The following PIWIL3 variants were observed in gnomAD, a reference collection of about 807,000 sequenced individuals.
The protein encoded by PIWIL3 is piwi-like protein 3.
A neutral mutation model predicts 109.7 loss-of-function variants in PIWIL3; 101 were observed. The ratio of observed to expected loss-of-function variants is 0.92; its 90% CI spans 0.78 to 1.09. The LOEUF is 1.09. PIWIL3 is among the 50% of genes least tolerant of loss of function. The pLI is 0.00. For missense variants in PIWIL3, 1,031 were observed against 1,072.6 expected, an observed-to-expected ratio of 0.96 and a Z score of 0.54; for synonymous variants, 373 against 376.4, an observed-to-expected ratio of 0.99 and a Z score of 0.10.
intron 5 of PIWIL3, 23 bp from the exon 6 acceptor site, chr22:24,755,928 A>C (rs1479601617): frequency 3.1e-6 from 5 of 1,597,284 alleles, no homozygotes; most frequent in Non-Finnish European, 4.3e-6. Flanking sequence ...AAAAACAAAA[A>C]AAAAAGTCCA....
At chr22:24,723,354 G>A in intron 18 of PIWIL3, 99 bp from the exon 19 acceptor site, 4 of 1,277,244 alleles carry the variant, frequency 3.1e-6, no homozygotes, top group South Asian at 1.3e-5. Context: ...GACCCATTAA[G>A]AAGAACAGAC....
Position 24,755,866 on chromosome 22 carries a change from C to G in PIWIL3, c.610G>C (p.Val204Leu). The G allele has an allele frequency of 6.2e-7, 1 of 1,613,652 alleles. No homozygotes were observed. The highest frequency in any genetic ancestry group is 1.1e-5 in the South Asian group (1 of 91,078). ...TTGGAAAACTCAACTGTAATCTTCA[C>G]GATGTTTTTGTCTTTGGTTGTGCTC... ...WLSTTKDKNI[V>L]KITVEFSKEL... The change falls in exon 6 of 21, where the codon GTG becomes CTG. Residue 204 changes from valine (V) to leucine (L), a missense_variant. Physicochemically the swap from Val to Leu is conservative, Grantham distance 32. Coordinates refer to ENST00000616349, the MANE Select transcript of PIWIL3 (RefSeq NM_001255975.1).
At chr22:24,760,099 C>A in intron 2 of PIWIL3, 110 bp from the exon 3 acceptor site, 1 of 1,427,370 alleles carries the variant, frequency 7.0e-7, no homozygotes, top group Non-Finnish European at 9.6e-7. Flanking sequence ...GAAAAGCTCA[C>A]ATTCCAGTGA....
At chr22:24,731,286 T>C (rs923087078) in intron 14 of PIWIL3, among the ~76,000 whole-genome samples, 1 of 152,082 alleles carries the variant, frequency 6.6e-6, no homozygotes, top group Non-Finnish European at 1.5e-5. Flanking sequence ...CCTAGACCCA[T>C]TTAGATTAAG....
intron 1 of PIWIL3, among the ~76,000 whole-genome samples, chr22:24,767,143 A>T (rs1186033128): frequency 6.6e-6 from 1 of 151,918 alleles, no homozygotes; most frequent in Non-Finnish European, 1.5e-5. Context: ...TCTGTCTCAA[A>T]AAATTCTGCA....
At chr22:24,725,547 C>A in intron 16 of PIWIL3, 32 bp from the exon 17 acceptor site, 1 of 1,608,564 alleles carries the variant, frequency 6.2e-7, no homozygotes, top group Non-Finnish European at 8.5e-7. Flanking sequence ...GTTTGGAAAA[C>A]AAGATTCTTA....
chr22:24,738,269 C>A (rs1209485960), intron 12 of PIWIL3, among the ~76,000 whole-genome samples: 1 of 152,238 alleles, frequency 6.6e-6, no homozygotes, highest in Non-Finnish European at 1.5e-5. Context: ...TGATTTTTGA[C>A]TCCAGTCCCT....
intron 2 of PIWIL3, among the ~76,000 whole-genome samples, chr22:24,761,592 T>A (rs1925442803): frequency 6.6e-6 from 1 of 152,182 alleles, no homozygotes; most frequent in Admixed American, 6.5e-5. Context: ...GCAGGAGACA[T>A]GCCCTAGACA....
chr22:24,766,040 T>C (rs565314138), intron 1 of PIWIL3, among the ~76,000 whole-genome samples: 17 of 132,440 alleles, frequency 1.3e-4, no homozygotes, highest in African/African-American at 4.3e-4. Flanking sequence ...TTCAACTTAA[T>C]GGAAAAAAAA....
At chr22:24,773,554 G>A (rs181636569) in intron 1 of PIWIL3, among the ~76,000 whole-genome samples, 1 of 152,242 alleles carries the variant, frequency 6.6e-6, no homozygotes, top group African/African-American at 2.4e-5. Context: ...TTTCTGAGAA[G>A]AGCATTTACA....
chr22:24,732,930 T>C (rs930336817), intron 14 of PIWIL3, among the ~76,000 whole-genome samples: 1 of 151,836 alleles, frequency 6.6e-6, no homozygotes, highest in Non-Finnish European at 1.5e-5. Flanking sequence ...CCTTTTACTC[T>C]GATTCTAATC....
intron 9 of PIWIL3, among the ~76,000 whole-genome samples, chr22:24,750,570 C>T (rs1262439939): frequency 6.8e-6 from 1 of 146,392 alleles, no homozygotes; most frequent in African/African-American, 2.5e-5. Flanking sequence ...CTCACTGCAA[C>T]CCCCGCCACC....
chr22:24,748,847 C>A, intron 12 of PIWIL3, 60 bp downstream of exon 12: 1 of 1,364,334 alleles, frequency 7.3e-7, no homozygotes, highest in Non-Finnish European at 1.0e-6. Flanking sequence ...AAGTTAGTTC[C>A]TTTTTGCTTT....
chr22:24,764,625 C>CGTGTGTGTGTGTGTGTGT (rs140531011), intron 1 of PIWIL3, among the ~76,000 whole-genome samples: 2,143 of 134,644 alleles, frequency 0.016, 44 homozygotes, highest in East Asian at 0.024. Flanking sequence ...TTGACCTTGC[C>CGTGTGTGTGTGTGTGTGT]GTGTGTGTGT....
chr22:24,763,818 C>CACCA (rs1327812115), intron 1 of PIWIL3, among the ~76,000 whole-genome samples: 4 of 151,970 alleles, frequency 2.6e-5, no homozygotes, highest in African/African-American at 9.7e-5. Flanking sequence ...GACCTCCGCC[C>CACCA]ACCATCTCCT....
intron 1 of PIWIL3, among the ~76,000 whole-genome samples, chr22:24,769,473 G>T (rs145898382): frequency 0.049 from 7,496 of 152,206 alleles, 278 homozygotes; most frequent in South Asian, 0.11. Context: ...TTAGCCAGGT[G>T]TGGTGGCGGG....
rs758541245 is a variant in PIWIL3 at position 24,719,888 on chromosome 22, A to G, written c.2365T>C (p.Phe789Leu). ...VELTRNEWYD[F>L]FIVSQSVQDG... is the part of the protein sequence containing the mutation. ...TGCACAGACTGACTCACAATAAAAA[A>G]GTCATACCTGGAAATATAGGACATG... is the stretch of plus-strand genomic sequence containing the variant. The change falls in exon 20 of 21, where the codon TTT (phenylalanine) becomes CTT (leucine). Residue 789 changes from phenylalanine (F) to leucine (L), a missense_variant. Transcript: ENST00000616349. 4.3e-6 allele frequency: 7 copies of G among 1,609,486 alleles called. No individual in the cohort carries two copies. The South Asian group carries it at 6.6e-5, about 15-fold the overall frequency.
At chr22:24,766,339 GAC>G (rs1457217981) in intron 1 of PIWIL3, among the ~76,000 whole-genome samples, 2 of 151,362 alleles carry the variant, frequency 1.3e-5, no homozygotes, top group East Asian at 3.9e-4. Context: ...TTTGTTTTGA[GAC>G]AGAGTCTGGC....
chr22:24,758,099 C>T, intron 3 of PIWIL3, 60 bp from the exon 4 acceptor site: 1 of 1,524,346 alleles, frequency 6.6e-7, no homozygotes, highest in Non-Finnish European at 8.9e-7. Flanking sequence ...GAAAAGACAG[C>T]ATTAACACCC....
Sources: allele counts gnomAD v4.1 joint callset (sites outside exome capture counted in the v4.1 genomes callset), GRCh38; gene constraint gnomAD v4.1.1; transcripts MANE v1.5; gene names NCBI Gene and HGNC (gene_info 2026-07-23, HGNC 2026-07-21).